Variants in ATP10A observed in about 807,000 individuals in gnomAD.
ATP10A encodes phospholipid-transporting ATPase VA.
Under a neutral mutation model 147.8 loss-of-function variants are expected in ATP10A, and 111 were observed. The ratio of observed to expected loss-of-function variants is 0.75; its 90% CI spans 0.64 to 0.88. The LOEUF is 0.88. Ranked by LOEUF, ATP10A falls within the 40% of genes least tolerant of loss-of-function variation. ATP10A has a pLI of 0.00. For missense variants in ATP10A, 1,927 were observed against 1,959.0 expected (o/e 0.98, Z 0.31); for synonymous variants, 875 against 841.6 (o/e 1.04, Z -0.69).
intron 3 of ATP10A, among the ~76,000 whole-genome samples, chr15:25,732,777 G>C (rs1014741256): frequency 2.0e-5 from 3 of 151,664 alleles, no homozygotes; most frequent in Admixed American, 6.6e-5. Context: ...GGATGGTCTT[G>C]ATCTCCTGAC....
chr15:25,825,145 C>G (rs889637335), intron 1 of ATP10A, among the ~76,000 whole-genome samples: 3 of 152,156 alleles, frequency 2.0e-5, no homozygotes, highest in African/African-American at 7.2e-5. Context: ...CTGGAAAATC[C>G]CATTCACAAG....
chr15:25,805,712 T>TC lies in ATP10A; in HGVS notation c.450-24490dup, dbSNP rs1891152011. On this transcript the variant is annotated intron_variant, in intron 1 of 20. Transcript: ENST00000555815. ...AAACACAAAGGCTGTGCTATTTTTT[T>TC]CCCCCAAAATTAAGTCTAGGGAATG... is the stretch of plus-strand genomic sequence containing the variant. Among the ~76,000 whole-genome samples the TC allele has an allele frequency of 2.0e-5, 3 of 152,116 alleles. No individual in the cohort carries two copies. In the South Asian group the frequency reaches 6.2e-4, roughly 31 times the overall value.
intron 1 of ATP10A, among the ~76,000 whole-genome samples, chr15:25,797,102 G>A (rs978293108): frequency 5.9e-5 from 9 of 152,100 alleles, no homozygotes; most frequent in Non-Finnish European, 1.2e-4. Flanking sequence ...GGGAAACTTT[G>A]TATCCTTTGA....
At chr15:25,689,099 C>G (rs1013697209) in intron 15 of ATP10A, among the ~76,000 whole-genome samples, 1 of 152,254 alleles carries the variant, frequency 6.6e-6, no homozygotes, top group African/African-American at 2.4e-5. Context: ...AAGAAACCCC[C>G]GCCCTTGAGA....
intron 1 of ATP10A, among the ~76,000 whole-genome samples, chr15:25,851,365 T>G (rs757070418): frequency 6.7e-6 from 1 of 150,366 alleles, no homozygotes; most frequent in Non-Finnish European, 1.5e-5. Flanking sequence ...TACTTTAGGT[T>G]TTTTTTTTTA....
rs1458814928 is a variant in ATP10A at position 25,780,929 on chromosome 15, A to G, written c.654+90T>C. 2.9e-6 allele frequency: 4 copies of G among 1,390,388 alleles called. No individual in the cohort carries two copies. In the East Asian group the frequency reaches 9.2e-5, roughly 32 times the overall value. 86.1% of individuals were successfully genotyped at this position (1,390,388 alleles called of 1,614,324 possible). On this transcript the variant is annotated intron_variant, in intron 2 of 20. Coordinates refer to ENST00000555815, the MANE Select transcript of ATP10A (RefSeq NM_024490.4). Reference sequence around the variant, plus strand: ...AAACAGCCTGGTCTGACAGACAGGAAAATGCAGGTGCTCTGAGCCCCAGAA... The same window carrying G: ...AAACAGCCTGGTCTGACAGACAGGAGAATGCAGGTGCTCTGAGCCCCAGAA...
intron 12 of ATP10A, 32 bp downstream of exon 12, chr15:25,707,944 G>A (rs28451772): frequency 0.093 from 150,625 of 1,611,086 alleles, 7,716 homozygotes; most frequent in African/African-American, 0.16. Flanking sequence ...ACTCCACACT[G>A]CCCTTAGGCA....
intron 2 of ATP10A, among the ~76,000 whole-genome samples, chr15:25,780,797 G>A (rs1043630229): frequency 1.3e-5 from 2 of 152,188 alleles, no homozygotes; most frequent in Non-Finnish European, 2.9e-5. Flanking sequence ...ATGCACAAAA[G>A]AAATCAGAGT....
At chr15:25,686,031 G>C (rs983515329) in intron 16 of ATP10A, among the ~76,000 whole-genome samples, 3 of 152,054 alleles carry the variant, frequency 2.0e-5, no homozygotes, top group Non-Finnish European at 4.4e-5. Flanking sequence ...GGAGAAAGGA[G>C]GTATGAGCCG....
chr15:25,795,716 A>G (rs1890641682), intron 1 of ATP10A, among the ~76,000 whole-genome samples: 1 of 152,226 alleles, frequency 6.6e-6, no homozygotes, highest in Non-Finnish European at 1.5e-5. Flanking sequence ...ACACACTGGG[A>G]AAATTTTGAC....
chr15:25,706,018 C>T (rs1489322305), intron 12 of ATP10A, among the ~76,000 whole-genome samples: 1 of 152,186 alleles, frequency 6.6e-6, no homozygotes, highest in Non-Finnish European at 1.5e-5. Context: ...TGGAGAAACG[C>T]TGATGACCGG....
rs148365077 is a variant in ATP10A at position 25,679,556 on chromosome 15, G to C, written c.4285C>G (p.Leu1429Val). Residue 1429 changes from leucine to valine, a missense_variant, in exon 21 of 21, where the codon CTC becomes GTC. By Grantham distance (32) the Leu-to-Val change is conservative (BLOSUM62 1). Transcript: ENST00000555815. ...AAGCTGAAGGTAGGCAGGCTGAAGA[G>C]GGAAGACAGGGGGGTCACCCTGCCG... ...STGRVTPLSS[L>V]FSLPTFSLLN... 1.0e-4 allele frequency: 167 copies of C among 1,612,016 alleles called. No homozygotes were observed. The African/African-American group carries it at 2.0e-3, about 19-fold the overall frequency.
chr15:25,825,996 C>A (rs577084379), intron 1 of ATP10A, among the ~76,000 whole-genome samples: 8 of 152,026 alleles, frequency 5.3e-5, no homozygotes, highest in African/African-American at 1.9e-4. Flanking sequence ...AAAAAAGAAC[C>A]AAATACAAAT....
Position 25,714,012 on chromosome 15 carries a change from C to T in ATP10A, c.2006G>A (p.Gly669Asp), listed in dbSNP as rs1263482981. 4 of 1,610,268 alleles carry T rather than the reference C, an allele frequency of 2.5e-6. No individual in the cohort carries two copies. In the Admixed American group the frequency reaches 6.7e-5, roughly 27 times the overall value. The stretch of plus-strand genomic sequence containing the variant: ...CCAGTTGTCCGCCTGGCTGCTGTAG[C>T]CGTTGCTGGCGATGGCCGAGGTGGG... ...GQPTSAIASN[G>D]YSSQADNWAS... Residue 669 changes from glycine to aspartate, a missense_variant, in exon 10 of 21, where the codon GGC (glycine) becomes GAC (aspartate). By Grantham distance (94) the Gly-to-Asp change is moderately conservative (BLOSUM62 -1). Transcript: ENST00000555815.
chr15:25,805,231 T>A (rs1473907013), intron 1 of ATP10A, among the ~76,000 whole-genome samples: 1 of 152,226 alleles, frequency 6.6e-6, no homozygotes, highest in Admixed American at 6.5e-5. Flanking sequence ...TGACTCACTG[T>A]GTGCCAGGAG....
intron 1 of ATP10A, among the ~76,000 whole-genome samples, chr15:25,834,324 T>C (rs1371519433): frequency 2.0e-5 from 3 of 152,212 alleles, no homozygotes; most frequent in African/African-American, 7.2e-5. Flanking sequence ...AGGCTGAATT[T>C]AAAAATGGGT....
chr15:25,768,683 ATTTTTTTTT>A (rs143608940), intron 2 of ATP10A, among the ~76,000 whole-genome samples: 7 of 89,646 alleles, frequency 7.8e-5, no homozygotes, highest in East Asian at 6.2e-4. Flanking sequence ...AGCTGGGCTA[ATTTTTTTTT>A]TTTTTTTTTT....
chr15:25,697,053 G>A (rs1272907163), intron 13 of ATP10A, among the ~76,000 whole-genome samples: 1 of 152,206 alleles, frequency 6.6e-6, no homozygotes, highest in African/African-American at 2.4e-5. Context: ...AGACTGAAAA[G>A]GGGATTCTTG....
At chr15:25,737,820 C>T (rs1426503545) in intron 2 of ATP10A, among the ~76,000 whole-genome samples, 3 of 151,998 alleles carry the variant, frequency 2.0e-5, no homozygotes, top group East Asian at 3.9e-4. Flanking sequence ...GACTGGCGGC[C>T]TTATACAAAG....
Sources: gnomAD v4.1 joint callset for allele counts (sites outside exome capture counted in the v4.1 genomes callset) on GRCh38, gnomAD v4.1.1 for gene constraint, MANE v1.5 for transcripts, NCBI Gene and HGNC (gene_info 2026-07-23, HGNC 2026-07-21) for gene names.